The following RAB30 variants were observed in gnomAD, a reference collection of about 807,000 sequenced individuals.
RAB30 encodes RAB30, member RAS oncogene family, also known as ras-related protein Rab-30.
Under a neutral mutation model 25.1 loss-of-function variants are expected in RAB30, and 9 were observed. The ratio of observed to expected loss-of-function variants is 0.36; its 90% CI spans 0.22 to 0.63. The LOEUF (loss-of-function observed/expected upper bound fraction) is 0.63. Among genes scored for constraint, RAB30 ranks in the 20% least tolerant of loss-of-function variants. RAB30 has a pLI of 0.69. For synonymous variants in RAB30, 77 were observed against 86.4 expected (o/e 0.89, Z 0.60); for missense variants, 140 against 243.5 (o/e 0.58, Z 2.83).
chr11:83,004,521 A>G (rs1442993790), intron 1 of RAB30, among the ~76,000 whole-genome samples: 1 of 152,186 alleles, frequency 6.6e-6, no homozygotes, highest in Non-Finnish European at 1.5e-5. Context: ...GATATCCCTG[A>G]TAAATCCAAA....
intron 3 of RAB30, among the ~76,000 whole-genome samples, chr11:82,992,736 AAC>A (rs113845129): frequency 0.036 from 4,683 of 130,994 alleles, 194 homozygotes; most frequent in African/African-American, 0.1. Context: ...CTCTGTCACC[AAC>A]ACACACACAC....
intron 1 of RAB30, among the ~76,000 whole-genome samples, chr11:83,037,116 A>C (rs1268049153): frequency 6.6e-6 from 1 of 152,186 alleles, no homozygotes; most frequent in East Asian, 1.9e-4. Flanking sequence ...GGCCTGGACC[A>C]AGATAATGGT....
intron 3 of RAB30, among the ~76,000 whole-genome samples, chr11:82,989,541 C>T (rs1590836646): frequency 2.6e-5 from 4 of 152,196 alleles, no homozygotes; most frequent in Admixed American, 2.6e-4. Flanking sequence ...CCTAGGGACA[C>T]GGTTCCCCTC....
chr11:83,020,476 C>G (rs1350446863), intron 1 of RAB30, among the ~76,000 whole-genome samples: 2 of 152,250 alleles, frequency 1.3e-5, no homozygotes, highest in African/African-American at 2.4e-5. Context: ...CTGGCCTGCA[C>G]TTGCCCATTG....
intron 3 of RAB30, chr11:82,992,485 T>C (rs1398947170): frequency 2.3e-6 from 1 of 432,264 alleles, no homozygotes; most frequent in East Asian, 7.1e-5. Flanking sequence ...GGCAAGTATC[T>C]AGAAAATGCT....
intron 2 of RAB30, among the ~76,000 whole-genome samples, chr11:82,995,518 T>C (rs191995973): frequency 6.6e-6 from 1 of 152,222 alleles, no homozygotes; most frequent in African/African-American, 2.4e-5. Flanking sequence ...TCCAGTTCAT[T>C]TTAACTGTCT....
intron 1 of RAB30, among the ~76,000 whole-genome samples, chr11:83,000,858 G>A (rs1055330006): frequency 5.4e-5 from 8 of 147,144 alleles, no homozygotes; most frequent in Admixed American, 1.4e-4. Flanking sequence ...TCGAGACCAC[G>A]GTGAAACCCC....
intron 1 of RAB30, among the ~76,000 whole-genome samples, chr11:83,042,539 C>A (rs964918292): frequency 5.3e-5 from 8 of 151,912 alleles, no homozygotes; most frequent in African/African-American, 1.5e-4. Flanking sequence ...GGCAACAGAG[C>A]GAGACTCCAT....
At position 82,973,367 on chromosome 11, in the gene RAB30, G is replaced by A. The variant is rs1856487005; in HGVS notation, c.*8798C>T. 1 of 152,064 alleles carries A rather than the reference G, an allele frequency of 6.6e-6. No homozygotes were observed. The allele number at this position is 152,064 out of a possible 1,614,324, so 9.4% of individuals were successfully genotyped here. A position where few individuals can be genotyped will look rare whatever the true frequency, so the allele number is the denominator to read the frequency against. On this transcript the variant is annotated 3_prime_UTR_variant, in exon 5 of 5. Coordinates refer to ENST00000527633, the MANE Select transcript of RAB30 (RefSeq NM_001286060.2). ...TGATTTGACAAACTTTTTTCAAGAA[G>A]CAAAGTCCAATTTTAAAAGACAGAC...
At chr11:83,040,127 G>A (rs972918388) in intron 1 of RAB30, among the ~76,000 whole-genome samples, 2 of 152,168 alleles carry the variant, frequency 1.3e-5, no homozygotes, top group Admixed American at 6.6e-5. Context: ...ACTCCAGCAC[G>A]TCAAGAGGGA....
intron 1 of RAB30, among the ~76,000 whole-genome samples, chr11:83,058,617 T>C (rs1427330739): frequency 3.3e-5 from 5 of 152,264 alleles, no homozygotes; most frequent in East Asian, 1.9e-4. Flanking sequence ...CAGATGTTGA[T>C]TTGTCCCATC....
chr11:83,061,271 T>C (rs1858570000), intron 1 of RAB30, among the ~76,000 whole-genome samples: 1 of 152,040 alleles, frequency 6.6e-6, no homozygotes, highest in Non-Finnish European at 1.5e-5. Context: ...CATCAATCCA[T>C]CCATCCATCC....
intron 1 of RAB30, among the ~76,000 whole-genome samples, chr11:83,006,091 G>A (rs1041989005): frequency 1.3e-5 from 2 of 152,152 alleles, no homozygotes; most frequent in African/African-American, 2.4e-5. Flanking sequence ...CTGTACTGGT[G>A]ACACTATGGA....
chr11:83,054,716 A>G (rs1365117058), intron 1 of RAB30, among the ~76,000 whole-genome samples: 1 of 151,946 alleles, frequency 6.6e-6, no homozygotes, highest in Non-Finnish European at 1.5e-5. Context: ...AAAATACAAA[A>G]ATCAGCCAGA....
intron 1 of RAB30, among the ~76,000 whole-genome samples, chr11:82,997,868 T>A (rs1856991338): frequency 6.6e-6 from 1 of 152,168 alleles, no homozygotes; most frequent in Non-Finnish European, 1.5e-5. Flanking sequence ...CTTTCCCCTC[T>A]ATCTCCTATA....
At chr11:83,049,409 C>CA (rs58898867) in intron 1 of RAB30, among the ~76,000 whole-genome samples, 101 of 100,852 alleles carry the variant, frequency 1.0e-3, no homozygotes, top group Middle Eastern at 7.0e-3. Context: ...GACTCCATAT[C>CA]AAAAAAAAAA....
chr11:82,982,199 C>T lies in RAB30; in HGVS notation c.578G>A (p.Ser193Asn). 1 of 1,614,242 alleles carries T rather than the reference C, an allele frequency of 6.2e-7. No homozygotes were observed. The highest frequency in any genetic ancestry group is 2.2e-5 in the East Asian group (1 of 44,882). ...VSSPLPGEGK[S>N]ISYLTCCNFN ...ATTACAACAAGTCAAATAGCTGATG[C>T]TTTTCCCTTCTCCAGGTAAGGGTGA... The change falls in exon 5 of 5, where the codon AGC (serine) becomes AAC (asparagine). Residue 193 changes from serine (S) to asparagine (N), a missense_variant. Physicochemically the swap from Ser to Asn is conservative, Grantham distance 46. Transcript: ENST00000527633.
At chr11:82,987,564 C>A (rs1343283689) in intron 4 of RAB30, 23 bp downstream of exon 4, 1 of 1,577,888 alleles carries the variant, frequency 6.3e-7, no homozygotes, top group East Asian at 2.3e-5. Flanking sequence ...AATCAATTTC[C>A]CTCCTCGTTA....
At chr11:83,069,026 GTCAGAATTA>G (rs1858770513) in intron 1 of RAB30, among the ~76,000 whole-genome samples, 1 of 152,192 alleles carries the variant, frequency 6.6e-6, no homozygotes, top group Admixed American at 6.5e-5. Context: ...AATATAAATT[GTCAGAATTA>G]TAGGTTGGGG....
Sources: allele counts gnomAD v4.1 joint callset (sites outside exome capture counted in the v4.1 genomes callset), GRCh38; gene constraint gnomAD v4.1.1; transcripts MANE v1.5; gene names NCBI Gene and HGNC (gene_info 2026-07-23, HGNC 2026-07-21).